Variants in IRAK1BP1 observed in about 807,000 individuals in gnomAD.
The protein encoded by IRAK1BP1 is interleukin-1 receptor-associated kinase 1-binding protein 1.
Under a neutral mutation model 28.0 loss-of-function variants are expected in IRAK1BP1, and 24 were observed. That is an observed-to-expected ratio of 0.86 (90% CI 0.62 to 1.20). The LOEUF (loss-of-function observed/expected upper bound fraction) is 1.20, where lower values mean the gene tolerates loss of function less well. Ranked by LOEUF, IRAK1BP1 falls within the 50% of genes most tolerant of loss-of-function variation. The probability of loss-of-function intolerance (pLI) is 0.00; values close to 1 mark genes in which losing one functional copy is unlikely to be tolerated. For missense variants in IRAK1BP1, 336 were observed against 316.7 expected (o/e 1.06, Z -0.46); for synonymous variants, 131 against 116.3 (o/e 1.13, Z -0.81).
downstream of IRAK1BP1, among the ~76,000 whole-genome samples, chr6:78,903,697 C>T (rs76692747): frequency 5.0e-4 from 76 of 151,524 alleles, no homozygotes; most frequent in Non-Finnish European, 8.4e-4. Context: ...TGTCGCTTAC[C>T]ATGTGATAGG....
At chr6:78,927,898 TCTGTTTTTATGCCAGTACCATG>T (rs1772935446) in intron 4 of IRAK1BP1, among the ~76,000 whole-genome samples, 1 of 152,158 alleles carries the variant, frequency 6.6e-6, no homozygotes, top group African/African-American at 2.4e-5. Flanking sequence ...TCTATGTGTG[TCTGTTTTTATGCCAGTACCATG>T]CTGTTTTGCT....
the IRAK1BP1 span, among the ~76,000 whole-genome samples, chr6:78,954,218 C>T: frequency 2.2e-4 from 33 of 152,148 alleles, no homozygotes; most frequent in South Asian, 1.4e-3. Flanking sequence ...TCTCCTGCCT[C>T]AGCCTCCCAA....
chr6:78,947,048 A>G (rs1024670435), downstream of IRAK1BP1, among the ~76,000 whole-genome samples: 8 of 152,162 alleles, frequency 5.3e-5, no homozygotes, highest in Non-Finnish European at 1.2e-4. Context: ...CATTTTAACA[A>G]TTATGTATTT....
intron 1 of IRAK1BP1, among the ~76,000 whole-genome samples, chr6:78,878,549 G>A (rs182434545): frequency 6.6e-6 from 1 of 152,318 alleles, no homozygotes; most frequent in Admixed American, 6.5e-5. Flanking sequence ...GGAGAAACCA[G>A]AGCAGAAAAG....
chr6:78,945,266 T>C, intron 4 of IRAK1BP1: 1 of 1,391,154 alleles, frequency 7.2e-7, no homozygotes, highest in Non-Finnish European at 1.0e-6. Flanking sequence ...AATAAGGATC[T>C]ACTGTATCTT....
intron 4 of IRAK1BP1, among the ~76,000 whole-genome samples, chr6:78,942,652 A>C (rs1773565872): frequency 6.6e-6 from 1 of 152,176 alleles, no homozygotes; most frequent in Admixed American, 6.5e-5. Context: ...AAAGTAGTTA[A>C]GTATTTCCTA....
At chr6:78,882,768 A>C (rs953836273) in intron 1 of IRAK1BP1, among the ~76,000 whole-genome samples, 1 of 152,176 alleles carries the variant, frequency 6.6e-6, no homozygotes, top group Non-Finnish European at 1.5e-5. Flanking sequence ...AGGACATTTA[A>C]TAGAAAAACT....
the IRAK1BP1 span, among the ~76,000 whole-genome samples, chr6:78,963,811 A>G: frequency 2.0e-5 from 3 of 152,224 alleles, no homozygotes; most frequent in Non-Finnish European, 4.4e-5. Flanking sequence ...CCCAAAATCT[A>G]GAAACGTGCT....
the IRAK1BP1 span, chr6:78,955,753 T>C: frequency 3.4e-6 from 2 of 584,424 alleles, no homozygotes; most frequent in South Asian, 2.5e-5. Flanking sequence ...AATTTGTTCG[T>C]AAAACCATAT....
At chr6:78,937,376 A>G (rs1028355793) in intron 4 of IRAK1BP1, 1 of 151,758 alleles carries the variant, frequency 6.6e-6, no homozygotes, top group Admixed American at 6.6e-5. Flanking sequence ...AACATATAAG[A>G]TAAAAATATT....
At chr6:78,926,791 C>T (rs565129436) in intron 4 of IRAK1BP1, among the ~76,000 whole-genome samples, 1 of 152,190 alleles carries the variant, frequency 6.6e-6, no homozygotes, top group Admixed American at 6.5e-5. Flanking sequence ...TGAGTAAGAA[C>T]ATATGATGTT....
chr6:78,887,780 T>C (rs1402277261), intron 2 of IRAK1BP1, among the ~76,000 whole-genome samples: 1 of 118,544 alleles, frequency 8.4e-6, no homozygotes, highest in Non-Finnish European at 1.9e-5. Flanking sequence ...GTAACCATTA[T>C]GGAAAACAGT....
intron 4 of IRAK1BP1, chr6:78,939,219 T>C (rs1161353442): frequency 1.3e-5 from 2 of 151,756 alleles, no homozygotes; most frequent in African/African-American, 4.8e-5. Flanking sequence ...AGCAATACAT[T>C]CTCCTAAGTC....
intron 1 of IRAK1BP1, among the ~76,000 whole-genome samples, chr6:78,869,160 G>C (rs539710007): frequency 6.6e-6 from 1 of 152,142 alleles, no homozygotes; most frequent in African/African-American, 2.4e-5. Context: ...GTAGTCGTTT[G>C]AATAATGTTA....
intron 1 of IRAK1BP1, among the ~76,000 whole-genome samples, chr6:78,881,396 G>T (rs1031797389): frequency 6.6e-6 from 1 of 152,148 alleles, no homozygotes; most frequent in East Asian, 1.9e-4. Flanking sequence ...AGAGATGCAC[G>T]GAGAAATTTT....
chr6:78,969,896 A>G, the IRAK1BP1 span: 3 of 1,600,642 alleles, frequency 1.9e-6, no homozygotes, highest in Non-Finnish European at 2.6e-6. Context: ...GGAAATCTAT[A>G]ACGTCAGGCA....
chr6:78,939,214 T>C (rs1456776254), intron 4 of IRAK1BP1: 1 of 151,770 alleles, frequency 6.6e-6, no homozygotes, highest in Non-Finnish European at 1.5e-5. Flanking sequence ...CATATAGCAA[T>C]ACATTCTCCT....
chr6:78,885,256 C>T (rs1771376129), intron 1 of IRAK1BP1, 122 bp from the exon 2 acceptor site: 1 of 575,492 alleles, frequency 1.7e-6, no homozygotes, highest in East Asian at 3.1e-5. Context: ...AAACATCAGG[C>T]AAAGTTCTTT....
the IRAK1BP1 span, among the ~76,000 whole-genome samples, chr6:78,953,334 A>G: frequency 6.6e-6 from 1 of 152,182 alleles, no homozygotes; most frequent in Admixed American, 6.5e-5. Context: ...TTATCTCTGT[A>G]TAGTGTTAAT....
Sources: allele counts gnomAD v4.1 joint callset (sites outside exome capture counted in the v4.1 genomes callset), GRCh38; gene constraint gnomAD v4.1.1; transcripts MANE v1.5; gene names NCBI Gene and HGNC (gene_info 2026-07-23, HGNC 2026-07-21).